BRINP3: variants seen among roughly 807,000 people sequenced by gnomAD.
BRINP3 encodes BMP/retinoic acid-inducible neural-specific protein 3.
Under a neutral mutation model 71.0 loss-of-function variants are expected in BRINP3, and 19 were observed. The observed-to-expected ratio is 0.27, with a 90% CI of 0.19 to 0.39. BRINP3 has a LOEUF of 0.39. Ranked by LOEUF, BRINP3 falls within the 10% of genes least tolerant of loss-of-function variation. BRINP3 has a pLI of 1.00. For missense variants in BRINP3, 959 were observed against 940.8 expected, an observed-to-expected ratio of 1.02 and a Z score of -0.25; for synonymous variants, 380 against 337.7, an observed-to-expected ratio of 1.13 and a Z score of -1.37.
At chr1:190,179,527 A>G (rs1400398142) in intron 6 of BRINP3, among the ~76,000 whole-genome samples, 1 of 152,104 alleles carries the variant, frequency 6.6e-6, no homozygotes, top group Non-Finnish European at 1.5e-5. Flanking sequence ...CATTTTTTCT[A>G]CACTGTTTTG....
intron 2 of BRINP3, among the ~76,000 whole-genome samples, chr1:190,438,633 T>C (rs1674623861): frequency 6.6e-6 from 1 of 151,870 alleles, no homozygotes; most frequent in African/African-American, 2.4e-5. Flanking sequence ...GTTCCCCCTT[T>C]AGAAAATTTT....
At chr1:190,234,592 G>T in intron 4 of BRINP3, 115 bp from the exon 5 acceptor site, 1 of 696,126 alleles carries the variant, frequency 1.4e-6, no homozygotes, top group Non-Finnish European at 2.4e-6. Flanking sequence ...TCACTGAAAG[G>T]TCCAGGATCT....
At chr1:190,238,396 T>A (rs1201915256) in intron 4 of BRINP3, among the ~76,000 whole-genome samples, 2 of 152,068 alleles carry the variant, frequency 1.3e-5, no homozygotes, top group Non-Finnish European at 2.9e-5. Context: ...ATTAACATAG[T>A]TGCAATTCAT....
At chr1:190,241,091 A>T (rs937435015) in intron 4 of BRINP3, among the ~76,000 whole-genome samples, 4 of 152,022 alleles carry the variant, frequency 2.6e-5, no homozygotes, top group Non-Finnish European at 5.9e-5. Context: ...GGTAGAAATT[A>T]AAAATGTTTG....
At chr1:190,294,221 T>C (rs1017660199) in intron 2 of BRINP3, among the ~76,000 whole-genome samples, 1 of 151,900 alleles carries the variant, frequency 6.6e-6, no homozygotes, top group African/African-American at 2.4e-5. Flanking sequence ...TCATTAACTT[T>C]ACAAAAACAT....
intron 7 of BRINP3, among the ~76,000 whole-genome samples, chr1:190,136,065 A>G (rs1467756738): frequency 6.6e-6 from 1 of 152,022 alleles, no homozygotes; most frequent in East Asian, 1.9e-4. Flanking sequence ...TCTTCTATTC[A>G]CCCCATAACA....
intron 2 of BRINP3, among the ~76,000 whole-genome samples, chr1:190,298,717 T>C (rs1437085690): frequency 6.6e-6 from 1 of 152,096 alleles, no homozygotes; most frequent in Non-Finnish European, 1.5e-5. Context: ...TTAGTTGAGA[T>C]TTGTCTCATG....
intron 4 of BRINP3, among the ~76,000 whole-genome samples, chr1:190,236,510 T>C (rs1274653904): frequency 2.0e-5 from 3 of 151,970 alleles, no homozygotes; most frequent in Non-Finnish European, 2.9e-5. Flanking sequence ...CTCTATTATA[T>C]TTTCTAAATG....
chr1:190,142,958 T>C (rs1225265208), intron 7 of BRINP3, among the ~76,000 whole-genome samples: 4 of 152,154 alleles, frequency 2.6e-5, no homozygotes, highest in African/African-American at 9.6e-5. Context: ...TTTTTCCTTT[T>C]CCAGATATTA....
intron 7 of BRINP3, among the ~76,000 whole-genome samples, chr1:190,107,197 T>C (rs562352552): frequency 6.6e-6 from 1 of 151,988 alleles, no homozygotes; most frequent in South Asian, 2.1e-4. Context: ...TATAAAAATA[T>C]AAATTATTTT....
intron 2 of BRINP3, among the ~76,000 whole-genome samples, chr1:190,355,046 A>G (rs1367842722): frequency 6.6e-6 from 1 of 151,860 alleles, no homozygotes; most frequent in Non-Finnish European, 1.5e-5. Context: ...AGAAATCAGA[A>G]TTCTCAGGAA....
At chr1:190,252,318 C>T (rs939259791) in intron 4 of BRINP3, among the ~76,000 whole-genome samples, 6 of 151,956 alleles carry the variant, frequency 3.9e-5, no homozygotes, top group African/African-American at 1.5e-4. Flanking sequence ...CACTGGAGAC[C>T]ATGATGTAGA....
At chr1:190,415,549 C>T (rs544636042) in intron 2 of BRINP3, among the ~76,000 whole-genome samples, 2 of 152,142 alleles carry the variant, frequency 1.3e-5, no homozygotes, top group African/African-American at 4.8e-5. Context: ...TAAAGGATTA[C>T]TAAACATATG....
intron 2 of BRINP3, among the ~76,000 whole-genome samples, chr1:190,422,569 C>G (rs1259916021): frequency 6.6e-6 from 1 of 151,706 alleles, no homozygotes; most frequent in Non-Finnish European, 1.5e-5. Flanking sequence ...TGCTAGGTAA[C>G]TAGAAACATA....
chr1:190,377,834 C>T (rs1429183529), intron 2 of BRINP3, among the ~76,000 whole-genome samples: 1 of 151,758 alleles, frequency 6.6e-6, no homozygotes, highest in East Asian at 1.9e-4. Flanking sequence ...GGAAGCTACA[C>T]TGAAAAGTAC....
intron 2 of BRINP3, among the ~76,000 whole-genome samples, chr1:190,360,778 T>C (rs1669092104): frequency 6.6e-6 from 1 of 152,082 alleles, no homozygotes; most frequent in Non-Finnish European, 1.5e-5. Flanking sequence ...AGGCGGTGTG[T>C]TGAGCACAGC....
intron 7 of BRINP3, among the ~76,000 whole-genome samples, chr1:190,111,182 TA>T (rs750953190): frequency 0.37 from 22,729 of 61,246 alleles, 3,089 homozygotes; most frequent in Middle Eastern, 0.46. Flanking sequence ...AAGACTCCAT[TA>T]AAAAAAAAAA....
At chr1:190,201,209 A>C (rs149538155) in intron 6 of BRINP3, among the ~76,000 whole-genome samples, 1 of 152,310 alleles carries the variant, frequency 6.6e-6, no homozygotes, top group African/African-American at 2.4e-5. Context: ...CTTGTTGACA[A>C]TTGGAGCAAA....
At chr1:190,282,545 G>A (rs1028081956) in intron 2 of BRINP3, among the ~76,000 whole-genome samples, 17 of 151,766 alleles carry the variant, frequency 1.1e-4, no homozygotes, top group Non-Finnish European at 8.8e-5. Flanking sequence ...TCTTCATTAG[G>A]CTTAATACTT....
Sources: allele counts gnomAD v4.1 joint callset (sites outside exome capture counted in the v4.1 genomes callset), GRCh38; gene constraint gnomAD v4.1.1; transcripts MANE v1.5; gene names NCBI Gene and HGNC (gene_info 2026-07-23, HGNC 2026-07-21).